The following PCDH9 variants were observed in gnomAD, a reference collection of about 807,000 sequenced individuals.
The protein encoded by PCDH9 is protocadherin-9.
Under a neutral mutation model 70.6 loss-of-function variants are expected in PCDH9, and 24 were observed. The ratio of observed to expected loss-of-function variants is 0.34; its 90% CI spans 0.25 to 0.48. The LOEUF is 0.48. PCDH9 is among the 20% of genes least tolerant of loss of function. PCDH9 has a pLI of 0.99. For missense variants in PCDH9, 1,281 were observed against 1,503.6 expected, an observed-to-expected ratio of 0.85 and a Z score of 2.45; for synonymous variants, 562 against 558.5, an observed-to-expected ratio of 1.01 and a Z score of -0.09.
intron 2 of PCDH9, among the ~76,000 whole-genome samples, chr13:67,131,474 G>GA (rs1284084519): frequency 2.6e-5 from 4 of 152,074 alleles, no homozygotes; most frequent in Admixed American, 1.3e-4. Flanking sequence ...ATTTAATATA[G>GA]AAAATCTCCT....
intron 4 of PCDH9, among the ~76,000 whole-genome samples, chr13:66,318,485 A>C (rs900354908): frequency 2.0e-5 from 3 of 152,206 alleles, no homozygotes; most frequent in Non-Finnish European, 2.9e-5. Context: ...ATGTTTCTGA[A>C]ATGTAAAAAT....
intron 4 of PCDH9, among the ~76,000 whole-genome samples, chr13:66,522,294 CA>C (rs544358284): frequency 3.3e-5 from 5 of 150,996 alleles, no homozygotes; most frequent in East Asian, 1.9e-4. Context: ...GTGACAAAGA[CA>C]AAAAAAATTA....
chr13:67,076,537 C>T (rs1566408377), intron 2 of PCDH9, among the ~76,000 whole-genome samples: 1 of 152,010 alleles, frequency 6.6e-6, no homozygotes, highest in Non-Finnish European at 1.5e-5. Context: ...CGTGGGAGGA[C>T]TAAGTGGTGA....
intron 2 of PCDH9, among the ~76,000 whole-genome samples, chr13:66,960,189 C>T (rs1041572185): frequency 1.3e-5 from 2 of 152,180 alleles, no homozygotes; most frequent in Admixed American, 1.3e-4. Flanking sequence ...TAATTTCAAA[C>T]AGAGCTTTTG....
At chr13:66,567,602 T>C (rs1413687184) in intron 4 of PCDH9, among the ~76,000 whole-genome samples, 1 of 152,190 alleles carries the variant, frequency 6.6e-6, no homozygotes, top group Admixed American at 6.5e-5. Context: ...ACATTTATAC[T>C]TTTTACTTTG....
intron 3 of PCDH9, among the ~76,000 whole-genome samples, chr13:66,631,891 G>C (rs1425724832): frequency 6.6e-6 from 1 of 151,550 alleles, no homozygotes; most frequent in East Asian, 1.9e-4. Context: ...CCTCCTTTTT[G>C]TTTGTTTGTT....
intron 2 of PCDH9, among the ~76,000 whole-genome samples, chr13:67,136,941 TAA>T (rs2087246222): frequency 6.6e-6 from 1 of 151,940 alleles, no homozygotes; most frequent in Non-Finnish European, 1.5e-5. Context: ...TGTTTATGAA[TAA>T]AAGTTTCTAT....
chr13:67,142,259 T>C lies in PCDH9; in HGVS notation c.3036+83146A>G, dbSNP rs147461124. The stretch of plus-strand genomic sequence containing the variant: ...AAATTTATAAATTTTAATAGACTTT[T>C]ATCTGGCTTCATGTATCACCATTAA... On this transcript the variant is annotated intron_variant, in intron 2 of 4. Transcript: ENST00000377865. Among the ~76,000 whole-genome samples the C allele has an allele frequency of 9.6e-3, 1,461 of 152,318 alleles. 16 individuals carry two copies. Among genetic ancestry groups the C allele is most frequent in the African/African-American group, 0.033 (1,356 of 41,582 alleles).
At chr13:66,541,364 C>A (rs537596422) in intron 4 of PCDH9, among the ~76,000 whole-genome samples, 3 of 152,212 alleles carry the variant, frequency 2.0e-5, no homozygotes, top group African/African-American at 7.2e-5. Context: ...TCATACAAAA[C>A]TACCACACAC....
At chr13:66,983,672 ACT>A (rs1304648524) in intron 2 of PCDH9, among the ~76,000 whole-genome samples, 12 of 151,452 alleles carry the variant, frequency 7.9e-5, no homozygotes, top group Admixed American at 6.6e-4. Flanking sequence ...TCATAAACTC[ACT>A]CTTTTTTAAA....
chr13:66,911,576 G>A (rs893075984), intron 2 of PCDH9, among the ~76,000 whole-genome samples: 16 of 152,196 alleles, frequency 1.1e-4, no homozygotes, highest in Admixed American at 3.3e-4. Flanking sequence ...CTATGAGCAC[G>A]CACTGAAATA....
intron 4 of PCDH9, among the ~76,000 whole-genome samples, chr13:66,574,706 T>G (rs1335508320): frequency 6.6e-6 from 1 of 152,194 alleles, no homozygotes; most frequent in African/African-American, 2.4e-5. Flanking sequence ...CCATCTGTGA[T>G]TCTTATAAAA....
At chr13:66,965,222 CAT>C (rs1762551945) in intron 2 of PCDH9, among the ~76,000 whole-genome samples, 1 of 152,102 alleles carries the variant, frequency 6.6e-6, no homozygotes, top group African/African-American at 2.4e-5. Flanking sequence ...AAACTTACAT[CAT>C]GTAACCTTCC....
chr13:67,127,670 A>ATG (rs2087010513), intron 2 of PCDH9, among the ~76,000 whole-genome samples: 1 of 83,688 alleles, frequency 1.2e-5, no homozygotes, highest in South Asian at 5.6e-4. Context: ...TATCATATAT[A>ATG]TATATATGTG....
At chr13:66,373,593 C>G (rs796669301) in intron 4 of PCDH9, among the ~76,000 whole-genome samples, 3 of 152,006 alleles carry the variant, frequency 2.0e-5, no homozygotes, top group Middle Eastern at 3.4e-3. Context: ...TATATTTAAT[C>G]AGAATTATTT....
intron 2 of PCDH9, among the ~76,000 whole-genome samples, chr13:67,134,541 C>G (rs1288519381): frequency 6.6e-6 from 1 of 152,128 alleles, no homozygotes; most frequent in Non-Finnish European, 1.5e-5. Context: ...TTCTCTCTTG[C>G]TGCCTTTTCC....
intron 3 of PCDH9, among the ~76,000 whole-genome samples, chr13:66,642,842 C>T (rs778537724): frequency 1.1e-3 from 160 of 151,902 alleles, no homozygotes; most frequent in Non-Finnish European, 1.8e-3. Context: ...AGGGTAGCTA[C>T]GAATGAGGGC....
intron 2 of PCDH9, among the ~76,000 whole-genome samples, chr13:67,064,669 C>G (rs1006353376): frequency 6.6e-6 from 1 of 152,118 alleles, no homozygotes; most frequent in Non-Finnish European, 1.5e-5. Context: ...AGACTCCAGT[C>G]TAGTAATCAC....
chr13:66,601,135 C>T (rs1316313750), intron 4 of PCDH9, among the ~76,000 whole-genome samples: 2 of 145,284 alleles, frequency 1.4e-5, no homozygotes, highest in African/African-American at 5.0e-5. Context: ...GCATATAATT[C>T]ACAGAGGATC....
Sources: gnomAD v4.1 joint callset for allele counts (sites outside exome capture counted in the v4.1 genomes callset) on GRCh38, gnomAD v4.1.1 for gene constraint, MANE v1.5 for transcripts, NCBI Gene and HGNC (gene_info 2026-07-23, HGNC 2026-07-21) for gene names.